The following NUP107 variants were observed in gnomAD, a reference collection of about 807,000 sequenced individuals.
NUP107 encodes the protein nucleoporin 107.
NUP107 carries 101 observed loss-of-function variants against 141.0 expected under a neutral mutation model. The ratio of observed to expected loss-of-function variants is 0.72; its 90% CI spans 0.61 to 0.84. The LOEUF is 0.84. Ranked by LOEUF, NUP107 falls within the 40% of genes least tolerant of loss-of-function variation. The pLI is 0.00. For missense variants in NUP107, 941 were observed against 1,102.7 expected, an observed-to-expected ratio of 0.85 and a Z score of 2.08; for synonymous variants, 319 against 363.9, an observed-to-expected ratio of 0.88 and a Z score of 1.41.
Position 68,742,379 on chromosome 12 carries a change from A to G in NUP107, c.2695A>G (p.Lys899Glu). 1.2e-6 allele frequency: 2 copies of G among 1,610,248 alleles called. No homozygotes were observed. The highest frequency in any genetic ancestry group is 1.7e-6 in the Non-Finnish European group (2 of 1,177,188). Residue 899 changes from lysine (K) to glutamate (E), a missense_variant, in exon 28 of 28, where the codon AAG becomes GAG. Transcript: ENST00000229179. Reference protein sequence around the residue: ...YLVFSKEELRKLLQKLRESSL... With the variant: ...YLVFSKEELRELLQKLRESSL... ...GGTATTTTCTAAGGAAGAGCTAAGGAAGTTGCTGCAGAAGCTCAGAGAGTC... is the reference window on the plus strand; with the variant it reads ...GGTATTTTCTAAGGAAGAGCTAAGGGAGTTGCTGCAGAAGCTCAGAGAGTC...
At chr12:68,692,679 C>T (rs1016960247) in intron 5 of NUP107, among the ~76,000 whole-genome samples, 2 of 151,676 alleles carry the variant, frequency 1.3e-5, no homozygotes, top group Non-Finnish European at 2.9e-5. Flanking sequence ...ACCTCCCAGG[C>T]TTAAGCAATT....
In NUP107 at chr12:68,726,533, A is replaced by C. The variant is rs1877570840; in HGVS notation, c.1611A>C (p.Lys537Asn). The change falls in exon 19 of 28, where the codon AAA becomes AAC. Residue 537 changes from lysine to asparagine, a missense_variant. Lys to Asn is a moderately conservative substitution (Grantham distance 94, BLOSUM62 0). Coordinates refer to ENST00000229179, the MANE Select transcript of NUP107 (RefSeq NM_020401.4). ...LMDEFSKWLSKSRNNLPGHLL... is the reference protein window; with the variant it reads ...LMDEFSKWLSNSRNNLPGHLL... ...ATGAGTTTAGCAAATGGCTTTCCAA[A>C]AGCAGAAACAATCTACCTGGACACC... The C allele has an allele frequency of 1.2e-6, 2 of 1,613,976 alleles. No individual in the cohort carries two copies. The highest frequency in any genetic ancestry group is 1.7e-6 in the Non-Finnish European group (2 of 1,179,932).
At chr12:68,690,905 C>T (rs976177245) in intron 4 of NUP107, among the ~76,000 whole-genome samples, 159 bp downstream of exon 4, 1 of 152,092 alleles carries the variant, frequency 6.6e-6, no homozygotes, top group East Asian at 1.9e-4. Flanking sequence ...CATGATAAAA[C>T]CCTGTCTCTA....
At chr12:68,705,684 A>G (rs1290215992) in intron 8 of NUP107, 3 of 636,694 alleles carry the variant, frequency 4.7e-6, no homozygotes, top group Non-Finnish European at 8.8e-6. Flanking sequence ...ACTCTGGCCC[A>G]AGGGCCTTCA....
At position 68,713,742 on chromosome 12, in the gene NUP107, G is replaced by C. The variant is rs774532767; in HGVS notation, c.903G>C (p.Leu301=). The change falls in exon 11 of 28, where the codon CTG becomes CTC. Residue 301 remains leucine (L), a synonymous_variant. Coordinates refer to ENST00000229179, the MANE Select transcript of NUP107 (RefSeq NM_020401.4). ...TTATTTCTTTCAGGGAAAATACTCT[G>C]CATACCTTAAAACAACGGCAGCTGA... ...YAKSVYWENT[L]HTLKQRQLTS... is the part of the protein sequence containing the mutation. 3 of 1,605,762 alleles carry C rather than the reference G, an allele frequency of 1.9e-6. No individual in the cohort carries two copies. In the Admixed American group the frequency reaches 5.2e-5, roughly 28 times the overall value.
chr12:68,700,690 A>G, intron 6 of NUP107, 36 bp from the exon 7 acceptor site: 1 of 1,476,764 alleles, frequency 6.8e-7, no homozygotes, highest in Non-Finnish European at 9.0e-7. Context: ...AAAATTGTAG[A>G]AAATTAACCT....
rs141203926 is a variant in NUP107 at position 68,734,728 on chromosome 12, T to G, written c.2283T>G (p.Asn761Lys). The change falls in exon 25 of 28, where the codon AAT (asparagine) becomes AAG (lysine). Residue 761 changes from asparagine (N) to lysine (K), a missense_variant. Transcript: ENST00000229179. ...RAYLEAHETF[N>K]EWFKHMNSVP... ...TTTAGGAAGCCCATGAAACCTTTAA[T>G]GAGTGGTTTAAGCATATGAATTCAG... The G allele has an allele frequency of 3.1e-6, 5 of 1,602,460 alleles. No homozygotes were observed. The South Asian group carries it at 5.7e-5, about 18-fold the overall frequency.
In NUP107 at chr12:68,719,658, A is replaced by G; in HGVS notation, c.1251+4A>G. On this transcript the variant is annotated splice_donor_region_variant and intron_variant, in intron 14 of 27. Transcript: ENST00000229179. ...TTGCTGGAGAATGGCAGAAGATGTAAGATAAATAAAATATTCAGTGATACT... is the reference window on the plus strand; with the variant it reads ...TTGCTGGAGAATGGCAGAAGATGTAGGATAAATAAAATATTCAGTGATACT... The G allele has an allele frequency of 6.3e-7, 1 of 1,590,656 alleles. No individual in the cohort carries two copies. The highest frequency in any genetic ancestry group is 8.6e-7 in the Non-Finnish European group (1 of 1,158,794).
Position 68,692,074 on chromosome 12 carries a change from G to A in NUP107, c.410G>A (p.Ser137Asn), listed in dbSNP as rs1395076619. The A allele has an allele frequency of 6.2e-7, 1 of 1,609,832 alleles. No individual in the cohort carries two copies. The highest frequency in any genetic ancestry group is 1.1e-5 in the South Asian group (1 of 89,982). The change falls in exon 5 of 28, where the codon AGT becomes AAT. Residue 137 changes from serine (S) to asparagine (N), a missense_variant. Ser to Asn is a conservative substitution (Grantham distance 46). Transcript: ENST00000229179. Reference sequence around the variant, plus strand: ...AGTATAACAGAAGATGTAACTATCAGTGCTGTTATGTTACGTGAGGATGAT... The same window carrying A: ...AGTATAACAGAAGATGTAACTATCAATGCTGTTATGTTACGTGAGGATGAT... ...PHSITEDVTI[S>N]AVMLREDDPG...
rs1394431277 is a variant in NUP107 at position 68,713,800 on chromosome 12, A to G, written c.961A>G (p.Thr321Ala). Residue 321 changes from threonine (T) to alanine (A), a missense_variant, in exon 11 of 28, where the codon ACT (threonine) becomes GCT (alanine). Thr to Ala is a moderately conservative substitution (Grantham distance 58, BLOSUM62 0). Coordinates refer to ENST00000229179, the MANE Select transcript of NUP107 (RefSeq NM_020401.4). ...CGTTGGAAGTGTTCGTCCGCTTGTC[A>G]CTGAATTGGTAAATGTTCTTTGAAA... is the stretch of plus-strand genomic sequence containing the variant. ...SYVGSVRPLV[T>A]ELDPDAPIRQ... The G allele has an allele frequency of 1.2e-6, 2 of 1,609,190 alleles. No individual in the cohort carries two copies. Among genetic ancestry groups the G allele is most frequent in the African/African-American group, 2.7e-5 (2 of 74,640 alleles).
At chr12:68,719,820 G>A (rs1039242822) in intron 14 of NUP107, among the ~76,000 whole-genome samples, 166 bp downstream of exon 14, 18 of 152,096 alleles carry the variant, frequency 1.2e-4, no homozygotes, top group African/African-American at 4.1e-4. Context: ...AAAACACTGT[G>A]TACTAAGAAT....
chr12:68,693,080 T>A (rs925647423), intron 5 of NUP107, among the ~76,000 whole-genome samples: 13 of 149,238 alleles, frequency 8.7e-5, no homozygotes, highest in Non-Finnish European at 1.6e-4. Flanking sequence ...TTTATTTATT[T>A]ATTTATTTTT....
chr12:68,728,006 G>T (rs796435282), intron 20 of NUP107, among the ~76,000 whole-genome samples: 1 of 152,086 alleles, frequency 6.6e-6, no homozygotes, highest in African/African-American at 2.4e-5. Flanking sequence ...TAAGGGGCTC[G>T]GCGAGGTGGC....
chr12:68,696,549 C>T (rs1876065805), intron 5 of NUP107, among the ~76,000 whole-genome samples: 1 of 151,562 alleles, frequency 6.6e-6, no homozygotes, highest in Non-Finnish European at 1.5e-5. Flanking sequence ...CCCATCTCTA[C>T]TAAAAATACA....
chr12:68,703,544 G>T (rs1876438308), intron 8 of NUP107, among the ~76,000 whole-genome samples: 1 of 151,712 alleles, frequency 6.6e-6, no homozygotes. Flanking sequence ...TCCGCCTCCT[G>T]GGTTCAAGTG....
Position 68,721,822 on chromosome 12 carries a change from T to C in NUP107, c.1312-19T>C, listed in dbSNP as rs753493550. 6.2e-7 allele frequency: 1 copy of C among 1,608,582 alleles called. No individual in the cohort carries two copies. The highest frequency in any genetic ancestry group is 1.1e-5 in the South Asian group (1 of 89,972). ...TGTTGAATATGTCTATATGTTTCTG[T>C]TTTGTAATGGGGAAAAAGCTGCTTC... On this transcript the variant is annotated intron_variant, in intron 15 of 27. Transcript: ENST00000229179.
chr12:68,701,660 CAG>C (rs1172272940), intron 7 of NUP107, among the ~76,000 whole-genome samples: 1 of 150,866 alleles, frequency 6.6e-6, no homozygotes, highest in Non-Finnish European at 1.5e-5. Context: ...GCCTGGGTGA[CAG>C]AGTGAGACTC....
At chr12:68,696,677 C>T (rs1876073001) in intron 5 of NUP107, 142 bp from the exon 6 acceptor site, 1 of 524,854 alleles carries the variant, frequency 1.9e-6, no homozygotes, top group South Asian at 2.7e-5. Flanking sequence ...CGTGCCATTG[C>T]ACTCCACCCT....
chr12:68,732,595 AC>A, intron 22 of NUP107, 41 bp from the exon 23 acceptor site: 1 of 1,246,352 alleles, frequency 8.0e-7, no homozygotes, highest in African/African-American at 1.5e-5. Flanking sequence ...TAAAAAAAAA[AC>A]TCTGATATTC....
Sources: allele counts gnomAD v4.1 joint callset (sites outside exome capture counted in the v4.1 genomes callset), GRCh38; gene constraint gnomAD v4.1.1; transcripts MANE v1.5; gene names NCBI Gene and HGNC (gene_info 2026-07-23, HGNC 2026-07-21).